The following SORCS2 variants were observed in gnomAD, a reference collection of about 807,000 sequenced individuals.
SORCS2 encodes the protein sortilin related VPS10 domain containing receptor 2.
Under a neutral mutation model 141.6 loss-of-function variants are expected in SORCS2, and 100 were observed. The ratio of observed to expected loss-of-function variants is 0.71; its 90% CI spans 0.60 to 0.83. The LOEUF is 0.83. SORCS2 is among the 40% of genes least tolerant of loss of function. The pLI, the probability that SORCS2 is intolerant of heterozygous loss-of-function variation, is 0.00. For missense variants in SORCS2, 1,646 were observed against 1,560.2 expected (o/e 1.05, Z -0.93); for synonymous variants, 789 against 676.9 (o/e 1.17, Z -2.57).
intron 1 of SORCS2, among the ~76,000 whole-genome samples, chr4:7,252,212 C>T (rs1057063835): frequency 4.6e-5 from 7 of 152,106 alleles, no homozygotes; most frequent in Non-Finnish European, 8.8e-5. Flanking sequence ...CAAGGAGGCC[C>T]GAGGCAGGAG....
At chr4:7,385,281 C>T (rs545414118) in intron 1 of SORCS2, among the ~76,000 whole-genome samples, 1 of 152,218 alleles carries the variant, frequency 6.6e-6, no homozygotes, top group Non-Finnish European at 1.5e-5. Context: ...TATTCCTCTC[C>T]CTGGTAAATA....
Position 7,740,221 on chromosome 4 carries a change from T to A in SORCS2, c.3437T>A (p.Leu1146Gln). ...AVQGNHSGVVLSINSREMHSY... is the reference protein window; with the variant it reads ...AVQGNHSGVVQSINSREMHSY... ...CTAGGCAACCACTCAGGCGTGGTCCTGAGCATCAACTCCCGAGAGATGCAC... is the reference window on the plus strand; with the variant it reads ...CTAGGCAACCACTCAGGCGTGGTCCAGAGCATCAACTCCCGAGAGATGCAC... Residue 1146 changes from leucine (L) to glutamine (Q), a missense_variant, in exon 27 of 27, where the codon CTG becomes CAG. Leu to Gln is a moderately radical substitution (Grantham distance 113). Coordinates refer to ENST00000507866, the MANE Select transcript of SORCS2 (RefSeq NM_020777.3). The A allele has an allele frequency of 1.9e-6, 3 of 1,609,474 alleles. No homozygotes were observed. Among genetic ancestry groups the A allele is most frequent in the Non-Finnish European group, 2.5e-6 (3 of 1,179,388 alleles).
chr4:7,684,999 C>G (rs2057724), intron 10 of SORCS2, among the ~76,000 whole-genome samples: 1 of 152,034 alleles, frequency 6.6e-6, no homozygotes, highest in Non-Finnish European at 1.5e-5. Context: ...TCTCAGGGGC[C>G]GGCTGCCCGC....
intron 18 of SORCS2, among the ~76,000 whole-genome samples, chr4:7,720,421 A>G (rs1432264323): frequency 6.6e-6 from 1 of 152,210 alleles, no homozygotes. Flanking sequence ...CCTTTTAGAA[A>G]AACCACAGGA....
Position 7,714,362 on chromosome 4 carries a change from G to C in SORCS2, c.2112G>C (p.Ser704=). 6.4e-7 allele frequency: 1 copy of C among 1,554,656 alleles called. No homozygotes were observed. ...CCCGCGTGTGCGAGTGCCGGGACTC[G>C]GACTTCCTGTGGTGAGCGACGGGCT... ...LTSRVCECRD[S]DFLCDYGFER... is the part of the protein sequence containing the mutation. Residue 704 remains serine (S), a synonymous_variant, in exon 16 of 27, where the codon TCG becomes TCC. Coordinates refer to ENST00000507866, the MANE Select transcript of SORCS2 (RefSeq NM_020777.3).
chr4:7,530,170 G>A (rs1366832599), intron 2 of SORCS2, among the ~76,000 whole-genome samples: 2 of 152,232 alleles, frequency 1.3e-5, no homozygotes, highest in Non-Finnish European at 2.9e-5. Context: ...CTAGAAGGGC[G>A]TGAAATAGCT....
intron 3 of SORCS2, among the ~76,000 whole-genome samples, chr4:7,561,144 C>A (rs1714510919): frequency 6.6e-6 from 1 of 152,196 alleles, no homozygotes; most frequent in African/African-American, 2.4e-5. Flanking sequence ...GTCTAGAGTC[C>A]TACTCAGTAT....
intron 3 of SORCS2, among the ~76,000 whole-genome samples, chr4:7,587,378 T>C (rs757196450): frequency 1.6e-4 from 25 of 152,204 alleles, no homozygotes; most frequent in Non-Finnish European, 8.8e-5. Flanking sequence ...CGTGGCCATG[T>C]TGGCGTTTTC....
chr4:7,261,072 T>C (rs1035525033), intron 1 of SORCS2, among the ~76,000 whole-genome samples: 4 of 152,236 alleles, frequency 2.6e-5, no homozygotes, highest in East Asian at 1.9e-4. Flanking sequence ...TTCTAACTTA[T>C]GGTCATGCTG....
Position 7,708,475 on chromosome 4 carries a change from G to GCCGA in SORCS2, c.1868+4194_1868+4197dup, listed in dbSNP as rs768830188. 1.6e-3 allele frequency among the ~76,000 whole-genome samples: 240 copies of GCCGA among 152,272 alleles called. 1 individual carries two copies. Among genetic ancestry groups the GCCGA allele is most frequent in the Admixed American group, 3.5e-3 (53 of 15,290 alleles). ...CGCCACGGGTGGGTCCCGCTGGCCG[G>GCCGA]CCGACCTTTGATCCTGTATCCGTGT... On this transcript the variant is annotated intron_variant, in intron 14 of 26. Coordinates refer to ENST00000507866, the MANE Select transcript of SORCS2 (RefSeq NM_020777.3).
Position 7,737,133 on chromosome 4 carries a change from C to A in SORCS2, c.3376C>A (p.Pro1126Thr). Reference protein sequence around the residue: ...HNEKEQEMTSPVSHSEDVQGA... With the variant: ...HNEKEQEMTSTVSHSEDVQGA... ...CGAGAAGGAGCAGGAGATGACCAGC[C>A]CTGTGAGTCACAGTGAGGACGTCCA... Residue 1126 changes from proline to threonine, a missense_variant, in exon 26 of 27, where the codon CCT (proline) becomes ACT (threonine). By Grantham distance (38) the Pro-to-Thr change is conservative. Transcript: ENST00000507866. 6.4e-7 allele frequency: 1 copy of A among 1,551,388 alleles called. No homozygotes were observed. Among genetic ancestry groups the A allele is most frequent in the Non-Finnish European group, 8.7e-7 (1 of 1,146,932 alleles).
At chr4:7,498,822 T>A (rs573788079) in intron 2 of SORCS2, among the ~76,000 whole-genome samples, 2 of 152,308 alleles carry the variant, frequency 1.3e-5, no homozygotes, top group East Asian at 3.9e-4. Context: ...TCTGCGGGTG[T>A]CCATGGGAGT....
chr4:7,326,235 G>C (rs566152634), intron 1 of SORCS2, among the ~76,000 whole-genome samples: 1 of 152,214 alleles, frequency 6.6e-6, no homozygotes, highest in South Asian at 2.1e-4. Flanking sequence ...GTTCTGTCCT[G>C]CTGGCAGGAG....
intron 1 of SORCS2, among the ~76,000 whole-genome samples, chr4:7,334,442 G>A (rs901605736): frequency 8.0e-5 from 12 of 149,176 alleles, no homozygotes; most frequent in Admixed American, 3.3e-4. Flanking sequence ...CATTCCTCCC[G>A]TTCCTTGTTG....
At chr4:7,724,151 G>A (rs1211134393) in intron 19 of SORCS2, among the ~76,000 whole-genome samples, 41 of 85,186 alleles carry the variant, frequency 4.8e-4, no homozygotes, top group Middle Eastern at 9.6e-3. Flanking sequence ...GATGGTCGTG[G>A]TGGTGGTGGT....
chr4:7,218,947 T>A (rs1415741322), intron 1 of SORCS2, among the ~76,000 whole-genome samples: 1 of 152,160 alleles, frequency 6.6e-6, no homozygotes, highest in Non-Finnish European at 1.5e-5. Context: ...AACACAGTGC[T>A]CCCGTGCACT....
intron 2 of SORCS2, among the ~76,000 whole-genome samples, chr4:7,473,710 A>T (rs998335805): frequency 5.9e-5 from 9 of 151,962 alleles, no homozygotes; most frequent in African/African-American, 1.9e-4. Context: ...TTTTGGGAGG[A>T]ACTGCTCCTG....
chr4:7,516,372 C>T (rs954316593), intron 2 of SORCS2, among the ~76,000 whole-genome samples: 1 of 152,170 alleles, frequency 6.6e-6, no homozygotes, highest in Non-Finnish European at 1.5e-5. Context: ...CCTTCCCTCC[C>T]ATCTGGCCTG....
At chr4:7,269,039 G>A (rs1039702275) in intron 1 of SORCS2, among the ~76,000 whole-genome samples, 4 of 152,208 alleles carry the variant, frequency 2.6e-5, no homozygotes, top group Admixed American at 1.3e-4. Context: ...TTGGCAGAGC[G>A]GGGGTTGAGG....
Sources: allele counts gnomAD v4.1 joint callset (sites outside exome capture counted in the v4.1 genomes callset), GRCh38; gene constraint gnomAD v4.1.1; transcripts MANE v1.5; gene names NCBI Gene and HGNC (gene_info 2026-07-23, HGNC 2026-07-21).